FILIP1L: variants seen among roughly 807,000 people sequenced by gnomAD.
FILIP1L encodes filamin A-interacting protein 1-like.
In FILIP1L, 55 loss-of-function variants were observed where a neutral mutation model predicts 96.6. The observed-to-expected ratio is 0.57, with a 90% confidence interval of 0.46 to 0.71. The LOEUF (loss-of-function observed/expected upper bound fraction) is 0.71. Ranked by LOEUF, FILIP1L falls within the 30% of genes least tolerant of loss-of-function variation. The pLI is 0.00. For missense variants in FILIP1L, 1,304 were observed against 1,321.2 expected, an observed-to-expected ratio of 0.99 and a Z score of 0.20; for synonymous variants, 467 against 473.9, an observed-to-expected ratio of 0.99 and a Z score of 0.19.
chr3:99,945,842 C>G (rs1017707066), intron 1 of FILIP1L, among the ~76,000 whole-genome samples: 1 of 152,188 alleles, frequency 6.6e-6, no homozygotes, highest in African/African-American at 2.4e-5. Flanking sequence ...AGGGCTCTCA[C>G]GTTCCCACCT....
chr3:99,986,326 C>G (rs969974593), intron 1 of FILIP1L, among the ~76,000 whole-genome samples: 2 of 152,166 alleles, frequency 1.3e-5, no homozygotes, highest in African/African-American at 4.8e-5. Context: ...CCCTCCACTC[C>G]ATTGCCATAA....
At chr3:100,051,661 C>T (rs2065375389) in intron 1 of FILIP1L, among the ~76,000 whole-genome samples, 1 of 151,672 alleles carries the variant, frequency 6.6e-6, no homozygotes, top group Non-Finnish European at 1.5e-5. Flanking sequence ...TCAGCTTCAT[C>T]CATGTCCCTA....
intron 1 of FILIP1L, among the ~76,000 whole-genome samples, chr3:100,060,907 A>G (rs1215361978): frequency 5.3e-5 from 8 of 152,192 alleles, no homozygotes; most frequent in Admixed American, 4.6e-4. Flanking sequence ...TTTGAGCCAT[A>G]CAGATCTATC....
intron 1 of FILIP1L, among the ~76,000 whole-genome samples, chr3:99,988,516 AAAAAAAAAAAAAAAG>A (rs1479917438): frequency 2.3e-5 from 3 of 132,652 alleles, no homozygotes; most frequent in African/African-American, 8.1e-5. Context: ...CATCTCAAAA[AAAAAAAAAAAAAAAG>A]AAAGAAAAGG....
intron 4 of FILIP1L, among the ~76,000 whole-genome samples, chr3:99,881,313 T>C (rs1705719025): frequency 6.6e-6 from 1 of 152,182 alleles, no homozygotes. Flanking sequence ...CCTACAAACA[T>C]TTTGTGTTTC....
chr3:99,933,673 A>G (rs1421332417), intron 1 of FILIP1L, among the ~76,000 whole-genome samples: 1 of 152,190 alleles, frequency 6.6e-6, no homozygotes, highest in Non-Finnish European at 1.5e-5. Flanking sequence ...ATATAGGTAA[A>G]TATTACATTC....
rs550412209 is a variant in FILIP1L at position 99,918,124 on chromosome 3, C to T, written c.605+6106G>A. Among the ~76,000 whole-genome samples, 30 of 152,084 alleles carry T rather than the reference C, an allele frequency of 2.0e-4. No homozygotes were observed. The South Asian group carries it at 4.0e-3, about 20-fold the overall frequency. On this transcript the variant is annotated intron_variant, in intron 4 of 5. Coordinates refer to ENST00000477258, the MANE Select transcript of FILIP1L (RefSeq NM_001387850.1). ...TCCTGAGTAGCTGGGATTACAGGCG[C>T]GCGGCACCACGCCCGGCTAATTTTT...
At chr3:99,872,994 C>T (rs1705313164) in intron 4 of FILIP1L, among the ~76,000 whole-genome samples, 1 of 151,610 alleles carries the variant, frequency 6.6e-6, no homozygotes, top group African/African-American at 2.4e-5. Flanking sequence ...AATTAGTGTA[C>T]CTAACAAAAT....
At chr3:99,851,659 A>G (rs1316706730) in intron 4 of FILIP1L, among the ~76,000 whole-genome samples, 1 of 152,198 alleles carries the variant, frequency 6.6e-6, no homozygotes, top group African/African-American at 2.4e-5. Flanking sequence ...ATATTTATCA[A>G]ATGGCTTGCT....
intron 1 of FILIP1L, among the ~76,000 whole-genome samples, chr3:100,090,041 G>A (rs1424072101): frequency 1.3e-5 from 2 of 152,192 alleles, no homozygotes; most frequent in African/African-American, 4.8e-5. Context: ...GGAGTGCGTG[G>A]AGCCACAGAA....
Position 100,094,030 on chromosome 3 carries a change from A to C in FILIP1L, c.-11+20023T>G, listed in dbSNP as rs541462684. 4.0e-4 allele frequency among the ~76,000 whole-genome samples: 61 copies of C among 152,292 alleles called. No individual in the cohort carries two copies. The South Asian group carries it at 0.012, about 30-fold the overall frequency. On this transcript the variant is annotated intron_variant, in intron 1 of 5. Transcript: ENST00000477258. ...GTAGTTTTATAGAGTTACTGTACCA[A>C]CTTACATTCCTACCAGCAATGTATG...
intron 5 of FILIP1L, among the ~76,000 whole-genome samples, chr3:99,846,718 T>C (rs1226824113): frequency 6.6e-6 from 1 of 152,216 alleles, no homozygotes; most frequent in Non-Finnish European, 1.5e-5. Context: ...TTTACTATCA[T>C]GAAATTGATT....
At chr3:100,077,193 C>A (rs1355939809) in intron 1 of FILIP1L, among the ~76,000 whole-genome samples, 1 of 152,216 alleles carries the variant, frequency 6.6e-6, no homozygotes, top group Non-Finnish European at 1.5e-5. Flanking sequence ...CATACTTTCA[C>A]ATGTTGCTCG....
chr3:99,973,117 G>A (rs865859031), intron 1 of FILIP1L, among the ~76,000 whole-genome samples: 25 of 152,214 alleles, frequency 1.6e-4, no homozygotes, highest in Middle Eastern at 3.4e-3. Context: ...GCAAAATGAG[G>A]CCACCTGAAT....
At chr3:100,072,733 T>A (rs766755281) in intron 1 of FILIP1L, among the ~76,000 whole-genome samples, 2 of 152,212 alleles carry the variant, frequency 1.3e-5, no homozygotes, top group African/African-American at 4.8e-5. Flanking sequence ...TGAGGACTTA[T>A]CACCTGACCT....
At chr3:99,890,739 T>C (rs553890663) in intron 4 of FILIP1L, among the ~76,000 whole-genome samples, 9 of 152,216 alleles carry the variant, frequency 5.9e-5, no homozygotes, top group African/African-American at 1.2e-4. Context: ...TTTTTTTTTT[T>C]CTGACATATT....
intron 4 of FILIP1L, among the ~76,000 whole-genome samples, chr3:99,865,620 C>T (rs1046496827): frequency 6.6e-6 from 1 of 152,216 alleles, no homozygotes; most frequent in Admixed American, 6.5e-5. Context: ...CCAGTAATAA[C>T]ATCTCATGTT....
intron 4 of FILIP1L, among the ~76,000 whole-genome samples, chr3:99,908,557 A>G (rs1038295802): frequency 2.0e-5 from 3 of 152,186 alleles, no homozygotes; most frequent in Non-Finnish European, 4.4e-5. Flanking sequence ...AAGAGCTCAG[A>G]TATGAGAGTC....
intron 5 of FILIP1L, among the ~76,000 whole-genome samples, chr3:99,847,386 T>C (rs936420011): frequency 1.5e-4 from 23 of 151,926 alleles, no homozygotes; most frequent in Non-Finnish European, 2.6e-4. Flanking sequence ...GTTCAAGAGT[T>C]TATGTCACAG....
Sources: allele counts gnomAD v4.1 joint callset (sites outside exome capture counted in the v4.1 genomes callset), GRCh38; gene constraint gnomAD v4.1.1; transcripts MANE v1.5; gene names NCBI Gene and HGNC (gene_info 2026-07-23, HGNC 2026-07-21).